ABI3BP: variants seen among roughly 807,000 people sequenced by gnomAD.
ABI3BP encodes the protein ABI family member 3 binding protein.
In ABI3BP, 216 loss-of-function variants were observed where a neutral mutation model predicts 268.6. The ratio of observed to expected loss-of-function variants is 0.80; its 90% CI spans 0.72 to 0.90. The LOEUF (loss-of-function observed/expected upper bound fraction) is 0.90. Among genes scored for constraint, ABI3BP ranks in the 40% least tolerant of loss-of-function variants. The pLI is 0.00. For missense variants in ABI3BP, 2,090 were observed against 2,182.4 expected (o/e 0.96, Z 0.84); for synonymous variants, 730 against 730.0 (o/e 1.00, Z 0.00).
At chr3:100,913,957 T>A (rs559735567) in intron 2 of ABI3BP, among the ~76,000 whole-genome samples, 1 of 152,260 alleles carries the variant, frequency 6.6e-6, no homozygotes, top group South Asian at 2.1e-4. Context: ...AATTAATGAA[T>A]CTGCTCTTCT....
intron 19 of ABI3BP, chr3:100,846,660 G>A (rs1055607194): frequency 7.6e-6 from 3 of 393,104 alleles, no homozygotes; most frequent in African/African-American, 6.1e-5. Context: ...AACATTTCAA[G>A]AGTATATTTA....
At chr3:100,808,059 G>T in intron 50 of ABI3BP, 102 bp downstream of exon 50, 1 of 1,017,450 alleles carries the variant, frequency 9.8e-7, no homozygotes, top group Non-Finnish European at 1.5e-6. Flanking sequence ...TTTTACAAGT[G>T]TTAAAGACTC....
chr3:100,927,398 A>G (rs1032819683), intron 1 of ABI3BP, among the ~76,000 whole-genome samples: 2 of 152,144 alleles, frequency 1.3e-5, no homozygotes, highest in African/African-American at 2.4e-5. Context: ...TCTAAGTGAT[A>G]TATAACATTT....
intron 20 of ABI3BP, among the ~76,000 whole-genome samples, chr3:100,845,400 C>T (rs555026843): frequency 2.0e-5 from 3 of 152,254 alleles, no homozygotes; most frequent in Non-Finnish European, 2.9e-5. Flanking sequence ...AATTTCCTTC[C>T]GTCTGCACCT....
chr3:100,767,955 A>G (rs1306223887), intron 62 of ABI3BP, among the ~76,000 whole-genome samples: 4 of 145,902 alleles, frequency 2.7e-5, no homozygotes, highest in Admixed American at 6.6e-5. Flanking sequence ...CACCAAAGCA[A>G]CCACCTTCAG....
chr3:100,834,061 C>T (rs913187942), intron 29 of ABI3BP, among the ~76,000 whole-genome samples: 4 of 152,164 alleles, frequency 2.6e-5, no homozygotes, highest in Admixed American at 6.5e-5. Context: ...GTCTCGACTT[C>T]CTGGGCTCAA....
intron 9 of ABI3BP, among the ~76,000 whole-genome samples, chr3:100,869,862 A>T (rs1009248141): frequency 6.6e-6 from 1 of 152,038 alleles, no homozygotes; most frequent in Non-Finnish European, 1.5e-5. Context: ...TCTTCTGTAC[A>T]TTTTTCCATC....
intron 63 of ABI3BP, among the ~76,000 whole-genome samples, chr3:100,759,298 A>G (rs1576717989): frequency 6.6e-6 from 1 of 152,210 alleles, no homozygotes; most frequent in Admixed American, 6.5e-5. Context: ...GGACTGCTCA[A>G]CATGGGAAAG....
At chr3:100,980,945 A>G (rs1390143932) in intron 1 of ABI3BP, among the ~76,000 whole-genome samples, 1 of 152,238 alleles carries the variant, frequency 6.6e-6, no homozygotes, top group Non-Finnish European at 1.5e-5. Context: ...AAACATCCAG[A>G]ATAAATTGAA....
chr3:100,864,408 T>A, intron 11 of ABI3BP: 2 of 348,650 alleles, frequency 5.7e-6, no homozygotes, highest in Non-Finnish European at 1.0e-5. Flanking sequence ...AAATTCTTGT[T>A]TAAAAGCATG....
intron 17 of ABI3BP, among the ~76,000 whole-genome samples, chr3:100,849,128 C>A (rs752388656): frequency 3.5e-5 from 5 of 143,530 alleles, no homozygotes; most frequent in Non-Finnish European, 7.7e-5. Context: ...AAGTGAGCAC[C>A]CTTGAGGCAT....
intron 62 of ABI3BP, among the ~76,000 whole-genome samples, chr3:100,769,403 T>C (rs560016573): frequency 1.3e-5 from 2 of 152,354 alleles, no homozygotes; most frequent in South Asian, 2.1e-4. Flanking sequence ...ACTCTATCCA[T>C]GATTTTTTGA....
intron 1 of ABI3BP, among the ~76,000 whole-genome samples, chr3:100,987,558 G>A (rs868419957): frequency 4.6e-5 from 7 of 152,122 alleles, no homozygotes; most frequent in Non-Finnish European, 8.8e-5. Flanking sequence ...TTTTACCTTT[G>A]TAATATAAGG....
At chr3:100,902,476 G>A (rs1050579972) in intron 3 of ABI3BP, 142 bp downstream of exon 3, 7 of 666,570 alleles carry the variant, frequency 1.1e-5, no homozygotes, top group African/African-American at 7.3e-5. Flanking sequence ...TCTCCAAAAG[G>A]GTAAACTGTG....
At chr3:100,823,897 T>A (rs2098302487) in intron 36 of ABI3BP, among the ~76,000 whole-genome samples, 1 of 152,202 alleles carries the variant, frequency 6.6e-6, no homozygotes. Flanking sequence ...GCTTATTACA[T>A]ATAAGTAAAC....
At chr3:100,872,596 C>T (rs1197461695) in intron 9 of ABI3BP, among the ~76,000 whole-genome samples, 1 of 152,084 alleles carries the variant, frequency 6.6e-6, no homozygotes. Flanking sequence ...TGGCCAGCTC[C>T]TTTTTTTCCT....
chr3:100,968,719 T>G (rs1323556934), intron 1 of ABI3BP, among the ~76,000 whole-genome samples: 1 of 152,200 alleles, frequency 6.6e-6, no homozygotes, highest in African/African-American at 2.4e-5. Flanking sequence ...CTTTAAGTTC[T>G]GGGATATGTG....
intron 43 of ABI3BP, 62 bp downstream of exon 43, chr3:100,816,626 T>C (rs1248883586): frequency 3.0e-6 from 4 of 1,333,526 alleles, no homozygotes; most frequent in Non-Finnish European, 4.2e-6. Context: ...TAGGACTTTA[T>C]TGGGACAGCC....
chr3:100,830,096 TAC>T (rs1464446235), intron 32 of ABI3BP, among the ~76,000 whole-genome samples: 1 of 77,130 alleles, frequency 1.3e-5, no homozygotes. Flanking sequence ...TACATATACA[TAC>T]ATACATACAT....
Sources: allele counts gnomAD v4.1 joint callset (sites outside exome capture counted in the v4.1 genomes callset), GRCh38; gene constraint gnomAD v4.1.1; transcripts MANE v1.5; gene names NCBI Gene and HGNC (gene_info 2026-07-23, HGNC 2026-07-21).